The following ZNF559 variants were observed in gnomAD, a reference collection of about 807,000 sequenced individuals.
The protein encoded by ZNF559 is zinc finger protein 559, also known as putative protein product of Nbla00121.
Under a neutral mutation model 14.2 loss-of-function variants are expected in ZNF559, and 17 were observed. The ratio of observed to expected loss-of-function variants is 1.20; its 90% CI spans 0.82 to 1.80. The LOEUF (loss-of-function observed/expected upper bound fraction) is 1.80, where lower values mean the gene tolerates loss of function less well. Among genes scored for constraint, ZNF559 ranks in the 40% most tolerant of loss-of-function variants. ZNF559 has a pLI of 0.00. For missense variants in ZNF559, 740 were observed against 629.7 expected (o/e 1.18, Z -1.88); for synonymous variants, 244 against 212.4 (o/e 1.15, Z -1.29).
Position 9,344,660 on chromosome 19 carries a change from A to G in ZNF559, c.*1592A>G, listed in dbSNP as rs912491264. 1 of 142,556 alleles carries G rather than the reference A, an allele frequency of 7.0e-6. No individual in the cohort carries two copies. Among genetic ancestry groups the G allele is most frequent in the African/African-American group, 2.9e-5 (1 of 34,712 alleles). The allele number at this position is 142,556 out of a possible 1,614,324, so 8.8% of individuals were successfully genotyped here. A position where few individuals can be genotyped will look rare whatever the true frequency, so the allele number is the denominator to read the frequency against. On this transcript the variant is annotated 3_prime_UTR_variant, in exon 7 of 7. Transcript: ENST00000603380. Reference sequence around the variant, plus strand: ...TGAGACCCTGTCTCAAAAAAAAAAGAAAATTGACGCCAGCAAAGAAAACCA... The same window carrying G: ...TGAGACCCTGTCTCAAAAAAAAAAGGAAATTGACGCCAGCAAAGAAAACCA...
intron 2 of ZNF559, among the ~76,000 whole-genome samples, chr19:9,327,860 T>G (rs1432589439): frequency 6.6e-6 from 1 of 152,196 alleles, no homozygotes; most frequent in Non-Finnish European, 1.5e-5. Flanking sequence ...GCTCTGTGTC[T>G]TGTGACACAA....
At chr19:9,339,767 CTTTTT>C (rs200842205) in intron 5 of ZNF559, among the ~76,000 whole-genome samples, 1,426 of 134,508 alleles carry the variant, frequency 0.011, 8 homozygotes, top group African/African-American at 0.012. Context: ...ACATTCTTTA[CTTTTT>C]TTTTTTTTTT....
Position 9,342,576 on chromosome 19 carries a change from C to G in ZNF559, c.1125C>G (p.His375Gln). The G allele has an allele frequency of 1.2e-6, 2 of 1,613,888 alleles. No homozygotes were observed. Reference protein sequence around the residue: ...SSHLTVHMRTHTGEKPYQCKE... With the variant: ...SSHLTVHMRTQTGEKPYQCKE... ...ATCTTACTGTACATATGAGAACTCA[C>G]ACTGGTGAGAAGCCTTATCAATGTA... is the stretch of plus-strand genomic sequence containing the variant. Residue 375 changes from histidine (H) to glutamine (Q), a missense_variant, in exon 7 of 7, where the codon CAC becomes CAG. Coordinates refer to ENST00000603380, the MANE Select transcript of ZNF559 (RefSeq NM_032497.3).
At chr19:9,337,146 G>A (rs1031851480) in intron 2 of ZNF559, among the ~76,000 whole-genome samples, 1 of 152,054 alleles carries the variant, frequency 6.6e-6, no homozygotes, top group Non-Finnish European at 1.5e-5. Flanking sequence ...TTTTACTGAG[G>A]GTTAGTCCCG....
rs138869322 is a variant in ZNF559, at chr19:9,328,666, C to T, written c.-120+3886C>T. 6.9e-3 allele frequency among the ~76,000 whole-genome samples: 1,054 copies of T among 152,206 alleles called. 9 individuals are homozygous for T. The highest frequency in any genetic ancestry group is 0.01 in the Non-Finnish European group (714 of 68,020). On this transcript the variant is annotated intron_variant, in intron 2 of 6. Transcript: ENST00000603380. Reference sequence around the variant, plus strand: ...CTGGGATTACAGGCATGAGCCACTGCGCCTGGCCTAAATGCATCAGCATTT... The same window carrying T: ...CTGGGATTACAGGCATGAGCCACTGTGCCTGGCCTAAATGCATCAGCATTT...
intron 5 of ZNF559, 23 bp from the exon 6 acceptor site, chr19:9,341,079 A>T (rs777533612): frequency 6.3e-7 from 1 of 1,577,068 alleles, no homozygotes; most frequent in South Asian, 1.2e-5. Context: ...TAAGAACTTA[A>T]AATTTTTTTC....
At chr19:9,340,886 T>G (rs1452475678) in intron 5 of ZNF559, among the ~76,000 whole-genome samples, 1 of 152,040 alleles carries the variant, frequency 6.6e-6, no homozygotes, top group African/African-American at 2.4e-5. Context: ...AACCGTTTCT[T>G]AGTGAATCAC....
intron 2 of ZNF559, among the ~76,000 whole-genome samples, chr19:9,331,256 G>A (rs55887608): frequency 0.13 from 20,220 of 152,154 alleles, 1,828 homozygotes; most frequent in African/African-American, 0.26. Flanking sequence ...GTGCCACCAT[G>A]TCCAGCTAAT....
intron 2 of ZNF559, among the ~76,000 whole-genome samples, chr19:9,331,334 C>T (rs1246655454): frequency 6.6e-6 from 1 of 152,144 alleles, no homozygotes; most frequent in South Asian, 2.1e-4. Context: ...ATTCTCTTGC[C>T]TTGGCCTCCC....
In ZNF559 at chr19:9,344,434, G is replaced by A. The variant is rs1288985087; in HGVS notation, c.*1366G>A. ...AAGGCAGAAGGATCACTTGAGCCCA[G>A]GAGTTCAAGACCAGCCTGGGCAATA... On this transcript the variant is annotated 3_prime_UTR_variant, in exon 7 of 7. Transcript: ENST00000603380. The A allele has an allele frequency of 1.3e-5, 2 of 152,200 alleles. No individual in the cohort carries two copies. The highest frequency in any genetic ancestry group is 2.9e-5 in the Non-Finnish European group (2 of 68,112). 9.4% of individuals were successfully genotyped at this position (152,200 alleles called of 1,614,324 possible).
At chr19:9,340,516 A>G (rs1244897389) in intron 5 of ZNF559, among the ~76,000 whole-genome samples, 2 of 145,786 alleles carry the variant, frequency 1.4e-5, no homozygotes, top group Non-Finnish European at 3.0e-5. Flanking sequence ...TTTGTTCACT[A>G]TAAAGTCTCA....
chr19:9,324,715 T>C lies in ZNF559; in HGVS notation c.-185T>C, dbSNP rs2066483716. The C allele has an allele frequency of 6.5e-7, 1 of 1,534,204 alleles. No homozygotes were observed. The highest frequency in any genetic ancestry group is 8.7e-7 in the Non-Finnish European group (1 of 1,146,246). ...ATAAGGAACAGCATCTCTGCCTTCCTGTTCACGGTGACCTTCGCTTGGTGT... is the reference window on the plus strand; with the variant it reads ...ATAAGGAACAGCATCTCTGCCTTCCCGTTCACGGTGACCTTCGCTTGGTGT... On this transcript the variant is annotated 5_prime_UTR_variant, in exon 2 of 7. Coordinates refer to ENST00000603380, the MANE Select transcript of ZNF559 (RefSeq NM_032497.3).
Position 9,343,898 on chromosome 19 carries a change from G to A in ZNF559, c.*830G>A. 9.1e-6 allele frequency: 7 copies of A among 772,428 alleles called. No homozygotes were observed. Among genetic ancestry groups the A allele is most frequent in the African/African-American group, 1.9e-5 (1 of 52,848 alleles). 47.8% of individuals were successfully genotyped at this position (772,428 alleles called of 1,614,324 possible). A position where few individuals can be genotyped will look rare whatever the true frequency, so the allele number is the denominator to read the frequency against. On this transcript the variant is annotated 3_prime_UTR_variant, in exon 7 of 7. Coordinates refer to ENST00000603380, the MANE Select transcript of ZNF559 (RefSeq NM_032497.3). ...GTTACAGATGGAACTCTTTATTATT[G>A]AGGAGTTCCACTCTTTCCCCCATTT...
rs2067699490 is a variant in ZNF559, at chr19:9,345,014, C to T, written c.*1946C>T. The T allele has an allele frequency of 1.3e-5, 2 of 152,214 alleles. No homozygotes were observed. Among genetic ancestry groups the T allele is most frequent in the Non-Finnish European group, 2.9e-5 (2 of 68,072 alleles). 9.4% of individuals were successfully genotyped at this position (152,214 alleles called of 1,614,324 possible). ...CTTTTATAATTTCTTCTTCTCCTCACCCTTCCCTGCCTGTCACTCTCCTGA... is the reference window on the plus strand; with the variant it reads ...CTTTTATAATTTCTTCTTCTCCTCATCCTTCCCTGCCTGTCACTCTCCTGA... On this transcript the variant is annotated 3_prime_UTR_variant, in exon 7 of 7. Coordinates refer to ENST00000603380, the MANE Select transcript of ZNF559 (RefSeq NM_032497.3).
intron 2 of ZNF559, 93 bp from the exon 3 acceptor site, chr19:9,337,703 C>G: frequency 1.1e-6 from 1 of 889,398 alleles, no homozygotes; most frequent in Non-Finnish European, 1.5e-6. Flanking sequence ...GTTTCTGGCA[C>G]ATGGGTACTA....
chr19:9,339,133 C>T, intron 4 of ZNF559, 60 bp from the exon 5 acceptor site: 6 of 1,608,264 alleles, frequency 3.7e-6, no homozygotes, highest in Non-Finnish European at 2.6e-6. Flanking sequence ...GTCCCTCATT[C>T]TCCAGTCAAC....
chr19:9,341,505 C>T (rs998650429), intron 6 of ZNF559, 190 bp from the exon 7 acceptor site: 4 of 1,042,100 alleles, frequency 3.8e-6, no homozygotes, highest in African/African-American at 3.2e-5. Flanking sequence ...ACAGAACTTC[C>T]TGCAGTCACT....
Position 9,324,209 on chromosome 19 carries a change from C to G in ZNF559, c.-225C>G, listed in dbSNP as rs368190204. On this transcript the variant is annotated 5_prime_UTR_variant, in exon 1 of 7. Coordinates refer to ENST00000603380, the MANE Select transcript of ZNF559 (RefSeq NM_032497.3). Reference sequence around the variant, plus strand: ...CATAACGGCCGCCATCTTAACAGCGCGTTCCCGTTGGCGTCTGAGGTAAGT... The same window carrying G: ...CATAACGGCCGCCATCTTAACAGCGGGTTCCCGTTGGCGTCTGAGGTAAGT... The G allele has an allele frequency of 2.1e-4, 316 of 1,535,970 alleles. No individual in the cohort carries two copies. The highest frequency in any genetic ancestry group is 2.7e-4 in the Non-Finnish European group (311 of 1,146,896).
chr19:9,326,305 C>T (rs948168330), intron 2 of ZNF559, among the ~76,000 whole-genome samples: 1 of 152,032 alleles, frequency 6.6e-6, no homozygotes, highest in Non-Finnish European at 1.5e-5. Context: ...CAGGGTTTCA[C>T]CGTGTTGGCC....
Sources: allele counts gnomAD v4.1 joint callset (sites outside exome capture counted in the v4.1 genomes callset), GRCh38; gene constraint gnomAD v4.1.1; transcripts MANE v1.5; gene names NCBI Gene and HGNC (gene_info 2026-07-23, HGNC 2026-07-21).